UGGT2: variants seen among roughly 807,000 people sequenced by gnomAD.
UGGT2 encodes UDP-glucose glycoprotein glucosyltransferase 2.
Under a neutral mutation model 192.1 loss-of-function variants are expected in UGGT2, and 180 were observed. That is an observed-to-expected ratio of 0.94 (90% CI 0.83 to 1.06). The LOEUF (loss-of-function observed/expected upper bound fraction) is 1.06, where lower values mean the gene tolerates loss of function less well. UGGT2 is among the 50% of genes least tolerant of loss of function. The pLI is 0.00. For missense variants in UGGT2, 1,849 were observed against 1,795.7 expected, an observed-to-expected ratio of 1.03 and a Z score of -0.54; for synonymous variants, 580 against 591.0, an observed-to-expected ratio of 0.98 and a Z score of 0.27.
chr13:95,854,216 T>G, intron 35 of UGGT2, 99 bp downstream of exon 35: 1 of 1,366,250 alleles, frequency 7.3e-7, no homozygotes, highest in Non-Finnish European at 1.0e-6. Context: ...GCTTTTATTG[T>G]GTAATTTTTA....
In UGGT2 at chr13:95,884,695, T is replaced by A. The variant is rs745735679; in HGVS notation, c.3039-15A>T. On this transcript the variant is annotated splice_polypyrimidine_tract_variant and intron_variant, in intron 26 of 38. Transcript: ENST00000376747. ...AACGGTAAAAGCTGTTAATAAAACA[T>A]AAAAATACATAATGTGACCAAAACT... 2.5e-6 allele frequency: 4 copies of A among 1,586,252 alleles called. No individual in the cohort carries two copies. Among genetic ancestry groups the A allele is most frequent in the Non-Finnish European group, 2.6e-6 (3 of 1,169,844 alleles).
At chr13:95,875,404 AG>A (rs1891590247) in intron 29 of UGGT2, among the ~76,000 whole-genome samples, 1 of 152,088 alleles carries the variant, frequency 6.6e-6, no homozygotes, top group Non-Finnish European at 1.5e-5. Flanking sequence ...TCTCTTTTTC[AG>A]TCATTTACAT....
chr13:96,009,114 G>C (rs1041283081), intron 5 of UGGT2, among the ~76,000 whole-genome samples: 1 of 152,158 alleles, frequency 6.6e-6, no homozygotes, highest in Non-Finnish European at 1.5e-5. Context: ...TTCAATAAAT[G>C]GTGCTGGGAA....
chr13:95,945,044 G>GT (rs1160485780), intron 15 of UGGT2, among the ~76,000 whole-genome samples: 1 of 151,688 alleles, frequency 6.6e-6, no homozygotes, highest in Non-Finnish European at 1.5e-5. Flanking sequence ...GATTTCATTT[G>GT]TGATAGTCAC....
chr13:96,048,760 C>T (rs1285185875), intron 1 of UGGT2, among the ~76,000 whole-genome samples: 1 of 152,176 alleles, frequency 6.6e-6, no homozygotes, highest in African/African-American at 2.4e-5. Context: ...TTCCTGTACA[C>T]ATACACCCTC....
chr13:96,031,866 G>C, intron 2 of UGGT2, 23 bp downstream of exon 2: 1 of 1,549,630 alleles, frequency 6.5e-7, no homozygotes. Flanking sequence ...AATCTTACAA[G>C]TTAAAATTTA....
intron 38 of UGGT2, among the ~76,000 whole-genome samples, chr13:95,808,061 T>A (rs575639417): frequency 6.6e-6 from 1 of 152,194 alleles, no homozygotes; most frequent in South Asian, 2.1e-4. Context: ...ACACCTCCAG[T>A]GTTGAACTCA....
At chr13:95,877,917 A>G in intron 27 of UGGT2, 61 bp from the exon 28 acceptor site, 3 of 1,486,178 alleles carry the variant, frequency 2.0e-6, no homozygotes, top group Non-Finnish European at 2.7e-6. Flanking sequence ...CAAAATTTTG[A>G]AATAAATAAA....
At chr13:95,997,722 T>C (rs756516257) in intron 6 of UGGT2, among the ~76,000 whole-genome samples, 2 of 152,142 alleles carry the variant, frequency 1.3e-5, no homozygotes, top group Non-Finnish European at 2.9e-5. Context: ...AGGAACAGCA[T>C]ATGCTAAGGG....
chr13:95,933,173 A>G (rs9669909), intron 17 of UGGT2, among the ~76,000 whole-genome samples: 3,261 of 152,278 alleles, frequency 0.021, 114 homozygotes, highest in African/African-American at 0.075. Context: ...GTTCTTCTTT[A>G]TACATCTGGC....
chr13:95,930,384 A>G (rs2049207184), intron 17 of UGGT2, among the ~76,000 whole-genome samples: 1 of 151,954 alleles, frequency 6.6e-6, no homozygotes, highest in Non-Finnish European at 1.5e-5. Context: ...TTCTTCTAGA[A>G]TTCTTATAGT....
chr13:95,873,924 C>A (rs1382627887), intron 29 of UGGT2, among the ~76,000 whole-genome samples: 1 of 152,146 alleles, frequency 6.6e-6, no homozygotes, highest in Non-Finnish European at 1.5e-5. Context: ...TGGGGTCAGA[C>A]AACTATGAAT....
chr13:95,961,190 C>A (rs1032599887), intron 12 of UGGT2, among the ~76,000 whole-genome samples: 2 of 151,766 alleles, frequency 1.3e-5, no homozygotes, highest in African/African-American at 2.4e-5. Context: ...GAGAGAGAAA[C>A]AGAGAACACA....
At chr13:95,956,379 C>A (rs2050212064) in intron 12 of UGGT2, among the ~76,000 whole-genome samples, 1 of 152,096 alleles carries the variant, frequency 6.6e-6, no homozygotes, top group South Asian at 2.1e-4. Flanking sequence ...CAAAAGGCAA[C>A]CTACAGAATG....
At chr13:95,908,336 T>C (rs537161001) in intron 20 of UGGT2, among the ~76,000 whole-genome samples, 1 of 152,300 alleles carries the variant, frequency 6.6e-6, no homozygotes, top group South Asian at 2.1e-4. Flanking sequence ...CAGGATATCA[T>C]CCAGGAGAAC....
At chr13:95,832,680 G>C (rs1210179255) in intron 38 of UGGT2, 1 of 577,252 alleles carries the variant, frequency 1.7e-6, no homozygotes, top group South Asian at 1.4e-5. Flanking sequence ...TGTGTCAGGA[G>C]ACTAATGTTA....
In UGGT2 at chr13:95,857,949, T is replaced by C. The variant is rs142034627; in HGVS notation, c.3826-1609A>G. Among the ~76,000 whole-genome samples the C allele has an allele frequency of 4.5e-3, 684 of 152,064 alleles. 3 individuals carry two copies. The highest frequency in any genetic ancestry group is 0.016 in the African/African-American group (659 of 41,526). ...CTACTAGGAAAGCATGTTAAAAAAT[T>C]AGTAGAAAAATAGTATAACTTCTTA... is the stretch of plus-strand genomic sequence containing the variant. On this transcript the variant is annotated intron_variant, in intron 33 of 38. Transcript: ENST00000376747.
At chr13:95,909,820 A>AAAAAC (rs61000586) in intron 20 of UGGT2, among the ~76,000 whole-genome samples, 1 of 147,752 alleles carries the variant, frequency 6.8e-6, no homozygotes, top group African/African-American at 2.5e-5. Flanking sequence ...AAAAAAAAAA[A>AAAAAC]CTGTTAAGGG....
rs574592208 is a variant in UGGT2 at position 96,040,739 on chromosome 13, AT to A, written c.159-8769del. Among the ~76,000 whole-genome samples the A allele has an allele frequency of 6.9e-4, 105 of 152,310 alleles. No individual in the cohort carries two copies. In the South Asian group the frequency reaches 8.9e-3, roughly 13 times the overall value. On this transcript the variant is annotated intron_variant, in intron 1 of 38. Transcript: ENST00000376747. ...ATTGAACCATGATAAGTTGGGGACA[AT>A]TTGTACAAGTGATGGGGTTTGTAAA...
Sources: gnomAD v4.1 joint callset for allele counts (sites outside exome capture counted in the v4.1 genomes callset) on GRCh38, gnomAD v4.1.1 for gene constraint, MANE v1.5 for transcripts, NCBI Gene and HGNC (gene_info 2026-07-23, HGNC 2026-07-21) for gene names.